The following UBR1 variants were observed in gnomAD, a reference collection of about 807,000 sequenced individuals.
UBR1 encodes the protein E3 ubiquitin-protein ligase UBR1.
UBR1 carries 102 observed loss-of-function variants against 242.1 expected under a neutral mutation model. The observed-to-expected ratio is 0.42, with a 90% CI of 0.36 to 0.50. The LOEUF (loss-of-function observed/expected upper bound fraction) is 0.50. Among genes scored for constraint, UBR1 ranks in the 20% least tolerant of loss-of-function variants. The pLI is 0.01. For missense variants in UBR1, 1,772 were observed against 2,101.8 expected, an observed-to-expected ratio of 0.84 and a Z score of 3.07; for synonymous variants, 675 against 684.8, an observed-to-expected ratio of 0.99 and a Z score of 0.22.
At chr15:43,064,733 C>G (rs1232664161) in intron 6 of UBR1, among the ~76,000 whole-genome samples, 1 of 152,092 alleles carries the variant, frequency 6.6e-6, no homozygotes, top group African/African-American at 2.4e-5. Context: ...TGTGCCACTA[C>G]GCCCAGCTAA....
At chr15:43,060,874 T>C (rs2033675279) in intron 6 of UBR1, among the ~76,000 whole-genome samples, 1 of 151,522 alleles carries the variant, frequency 6.6e-6, no homozygotes, top group African/African-American at 2.4e-5. Flanking sequence ...AGCTGCTTAG[T>C]ACATAAGCAT....
At position 43,022,755 on chromosome 15, in the gene UBR1, A is replaced by G. The variant is rs113857535; in HGVS notation, c.2786T>C (p.Leu929Pro). 1 of 1,612,354 alleles carries G rather than the reference A, an allele frequency of 6.2e-7. No individual in the cohort carries two copies. Among genetic ancestry groups the G allele is most frequent in the Non-Finnish European group, 8.5e-7 (1 of 1,178,998 alleles). ...TACTTCTTCTTCAGGAGCTTTTTGA[A>G]GCTGTTGCTTCTCTTCTAGTAAACC... ...ALGLLEEKQQ[L>P]QKAPEEEVTF... Residue 929 changes from leucine (L) to proline (P), a missense_variant, in exon 26 of 47, where the codon CTT becomes CCT. By Grantham distance (98) the Leu-to-Pro change is moderately conservative. Transcript: ENST00000290650.
At chr15:43,027,629 GC>G (rs1386327355) in intron 22 of UBR1, 146 bp downstream of exon 22, 2 of 663,848 alleles carry the variant, frequency 3.0e-6, no homozygotes, top group East Asian at 2.9e-5. Flanking sequence ...TCTACTGTGA[GC>G]CCCTCATTCT....
intron 8 of UBR1, 41 bp from the exon 9 acceptor site, chr15:43,059,233 C>A (rs191985652): frequency 6.4e-7 from 1 of 1,568,062 alleles, no homozygotes; most frequent in East Asian, 2.2e-5. Context: ...AACTTGTATT[C>A]TTTTTCTTTT....
intron 42 of UBR1, among the ~76,000 whole-genome samples, 196 bp from the exon 43 acceptor site, chr15:42,960,897 G>A (rs956393691): frequency 6.6e-6 from 1 of 151,888 alleles, no homozygotes; most frequent in African/African-American, 2.4e-5. Flanking sequence ...AGCCTCCCAA[G>A]TAGCTGGCAC....
chr15:43,014,057 T>C (rs1202904429), intron 29 of UBR1, among the ~76,000 whole-genome samples: 2 of 152,256 alleles, frequency 1.3e-5, no homozygotes, highest in Admixed American at 1.3e-4. Context: ...GGTTTTCGTA[T>C]TTTTTTGGTG....
Position 43,059,148 on chromosome 15 carries a change from G to A in UBR1, c.1030C>T (p.Pro344Ser), listed in dbSNP as rs769412017. ...ATGAGACAGGGATTCTCCGAGTCAGGTTCTTCTCTAAGGCATGCTTGGCAA... is the reference window on the plus strand; with the variant it reads ...ATGAGACAGGGATTCTCCGAGTCAGATTCTTCTCTAAGGCATGCTTGGCAA... ...IFCQACLREE[P>S]DSENPCLISR... is the part of the protein sequence containing the mutation. Residue 344 changes from proline (P) to serine (S), a missense_variant, in exon 9 of 47, where the codon CCT becomes TCT. Transcript: ENST00000290650. 12 of 1,614,046 alleles carry A rather than the reference G, an allele frequency of 7.4e-6. No homozygotes were observed. The East Asian group carries it at 2.7e-4, about 36-fold the overall frequency.
At chr15:43,075,856 C>A (rs1295926252) in intron 3 of UBR1, among the ~76,000 whole-genome samples, 1 of 151,956 alleles carries the variant, frequency 6.6e-6, no homozygotes, top group African/African-American at 2.4e-5. Flanking sequence ...CTCAGGTGAT[C>A]CGCCCGCCTC....
At chr15:42,948,892 C>G (rs1323442700) in intron 46 of UBR1, among the ~76,000 whole-genome samples, 1 of 152,104 alleles carries the variant, frequency 6.6e-6, no homozygotes, top group African/African-American at 2.4e-5. Context: ...GGATCTAGAA[C>G]TAGAAATACC....
chr15:43,099,681 C>T (rs1161344902), intron 1 of UBR1, among the ~76,000 whole-genome samples: 1 of 152,092 alleles, frequency 6.6e-6, no homozygotes, highest in Non-Finnish European at 1.5e-5. Flanking sequence ...TTCATACATT[C>T]AATAAAAACT....
rs913205469 is a variant in UBR1 at position 43,059,800 on chromosome 15, T to C, written c.887A>G (p.His296Arg). 1 of 1,614,012 alleles carries C rather than the reference T, an allele frequency of 6.2e-7. No individual in the cohort carries two copies. The highest frequency in any genetic ancestry group is 1.3e-5 in the African/African-American group (1 of 75,032). ...GTGTAATACTTCTACATGAAGTGGA[T>C]GTTGAGAGACATTTTCTGAATGACT... ...IKSHSENVSQ[H>R]PLHVEVLHSE... Residue 296 changes from histidine to arginine, a missense_variant, in exon 8 of 47, where the codon CAT becomes CGT. This residue lies in a region of UBR1 where 734 missense variants were observed against 893.3 expected (regional missense o/e 0.82). Transcript: ENST00000290650.
At position 43,105,700 on chromosome 15, in the gene UBR1, AAT is replaced by A. The variant is rs145555599; in HGVS notation, c.81+240_81+241del. On this transcript the variant is annotated intron_variant, in intron 1 of 46. Transcript: ENST00000290650. ...ACATCACTGGTTCTTTCTACTTCAG[AAT>A]AGAGACATGCACACTTGAGATCATC... Among the ~76,000 whole-genome samples, 334 of 152,338 alleles carry A rather than the reference AAT, an allele frequency of 2.2e-3. 6 individuals carry two copies. The East Asian group carries it at 0.042, about 19-fold the overall frequency.
At position 43,059,809 on chromosome 15, in the gene UBR1, A is replaced by T. The variant is rs1025568625; in HGVS notation, c.878T>A (p.Val293Asp). 6.2e-7 allele frequency: 1 copy of T among 1,614,034 alleles called. No homozygotes were observed. Among genetic ancestry groups the T allele is most frequent in the Admixed American group, 1.7e-5 (1 of 60,010 alleles). Reference protein sequence around the residue: ...KEDIKSHSENVSQHPLHVEVL... With the variant: ...KEDIKSHSENDSQHPLHVEVL... ...TTCTACATGAAGTGGATGTTGAGAG[A>T]CATTTTCTGAATGACTCTACAAATG... Residue 293 changes from valine (V) to aspartate (D), a missense_variant, in exon 8 of 47, where the codon GTC becomes GAC. Around this residue, in one of 3 missense-constraint regions of UBR1, gnomAD observed 734 missense variants for 893.3 expected, o/e 0.82. Transcript: ENST00000290650.
chr15:42,982,207 T>G (rs542482260), intron 37 of UBR1, among the ~76,000 whole-genome samples: 96 of 152,282 alleles, frequency 6.3e-4, no homozygotes, highest in African/African-American at 2.2e-3. Flanking sequence ...CCCATAATGT[T>G]TAACAAGTGC....
intron 29 of UBR1, among the ~76,000 whole-genome samples, chr15:43,012,878 T>C (rs1373733022): frequency 2.0e-5 from 3 of 152,232 alleles, no homozygotes; most frequent in African/African-American, 7.2e-5. Flanking sequence ...CCTACTAGTA[T>C]TCCAAAACCA....
chr15:43,090,177 T>TA (rs1159708751), intron 1 of UBR1, among the ~76,000 whole-genome samples: 1 of 152,204 alleles, frequency 6.6e-6, no homozygotes, highest in African/African-American at 2.4e-5. Context: ...TATTTACTAA[T>TA]ATGGAAAGGC....
intron 1 of UBR1, among the ~76,000 whole-genome samples, chr15:43,087,278 G>A (rs981802641): frequency 7.9e-5 from 12 of 152,008 alleles, no homozygotes; most frequent in Admixed American, 2.6e-4. Context: ...GCTGGCGGGC[G>A]CCTGTAGTCC....
At chr15:43,016,293 A>G (rs1424681441) in intron 28 of UBR1, among the ~76,000 whole-genome samples, 1 of 152,192 alleles carries the variant, frequency 6.6e-6, no homozygotes, top group African/African-American at 2.4e-5. Flanking sequence ...TATTACTGAG[A>G]TACATTTGGT....
At chr15:42,952,178 G>T in intron 45 of UBR1, 100 bp downstream of exon 45, 2 of 1,418,174 alleles carry the variant, frequency 1.4e-6, no homozygotes, top group South Asian at 2.3e-5. Context: ...ACTTCTGATT[G>T]ATTATTTGCT....
Sources: gnomAD v4.1 joint callset for allele counts (sites outside exome capture counted in the v4.1 genomes callset) on GRCh38, gnomAD v4.1.1 for gene constraint, gnomAD v4.1.1 regional missense constraint, MANE v1.5 for transcripts, NCBI Gene and HGNC (gene_info 2026-07-23, HGNC 2026-07-21) for gene names.